CCDC30: variants seen among roughly 807,000 people sequenced by gnomAD.
CCDC30 encodes coiled-coil domain-containing protein 30.
CCDC30 carries 70 observed loss-of-function variants against 100.2 expected under a neutral mutation model. The observed-to-expected ratio is 0.70, with a 90% CI of 0.58 to 0.85. CCDC30 has a LOEUF of 0.85. Among genes scored for constraint, CCDC30 ranks in the 40% least tolerant of loss-of-function variants. CCDC30 has a pLI of 0.00. For missense variants in CCDC30, 652 were observed against 771.2 expected (o/e 0.85, Z 1.83); for synonymous variants, 233 against 269.5 (o/e 0.86, Z 1.33).
chr1:42,555,279 A>ATGTTCTCATC (rs1263445460), intron 6 of CCDC30, among the ~76,000 whole-genome samples: 2 of 152,072 alleles, frequency 1.3e-5, no homozygotes, highest in Non-Finnish European at 2.9e-5. Flanking sequence ...TTGCTTGTTC[A>ATGTTCTCATC]TGTTCTCATC....
chr1:42,549,319 G>A (rs577985497), intron 6 of CCDC30, among the ~76,000 whole-genome samples: 1 of 152,244 alleles, frequency 6.6e-6, no homozygotes, highest in East Asian at 1.9e-4. Context: ...CACAAATGAG[G>A]TCTCTGAGAC....
At chr1:42,575,233 T>C (rs1160061773) in intron 7 of CCDC30, among the ~76,000 whole-genome samples, 2 of 152,214 alleles carry the variant, frequency 1.3e-5, no homozygotes, top group Non-Finnish European at 2.9e-5. Context: ...CCCTGCCCAG[T>C]GTATACATTC....
At chr1:42,460,584 C>T (rs191483127), upstream of CCDC30, among the ~76,000 whole-genome samples, 1 of 152,332 alleles carries the variant, frequency 6.6e-6, no homozygotes, top group African/African-American at 2.4e-5. Context: ...TTTAGGACTG[C>T]TTTTCAGTTT....
At chr1:42,510,529 C>CACCT (rs1644461280) in intron 6 of CCDC30, among the ~76,000 whole-genome samples, 1 of 151,984 alleles carries the variant, frequency 6.6e-6, no homozygotes, top group African/African-American at 2.4e-5. Context: ...TGGTGGCACA[C>CACCT]GCCTGTGGTC....
chr1:42,629,363 T>C (rs1327177668), intron 11 of CCDC30, among the ~76,000 whole-genome samples: 1 of 152,264 alleles, frequency 6.6e-6, no homozygotes, highest in Admixed American at 6.5e-5. Context: ...TCTCGTGGCC[T>C]GTAAGGTTTC....
At chr1:42,546,381 G>A (rs1645133249) in intron 6 of CCDC30, among the ~76,000 whole-genome samples, 1 of 33,058 alleles carries the variant, frequency 3.0e-5, no homozygotes, top group Non-Finnish European at 6.5e-5. Context: ...GTGAAATTCT[G>A]TCTCAAAAAA....
chr1:42,574,593 T>C (rs1557866107), intron 7 of CCDC30, among the ~76,000 whole-genome samples: 2 of 152,212 alleles, frequency 1.3e-5, no homozygotes, highest in Non-Finnish European at 2.9e-5. Flanking sequence ...AGCTTGTTGA[T>C]CCACTCTAAT....
At chr1:42,498,956 T>G (rs1423599165) in intron 6 of CCDC30, 40 bp downstream of exon 6, 24 of 1,093,790 alleles carry the variant, frequency 2.2e-5, no homozygotes, top group Non-Finnish European at 2.8e-5. Flanking sequence ...GATCTCTAAT[T>G]TTTGAGTTGC....
chr1:42,605,938 T>C (rs1247295958), intron 10 of CCDC30, among the ~76,000 whole-genome samples: 1 of 152,194 alleles, frequency 6.6e-6, no homozygotes, highest in Non-Finnish European at 1.5e-5. Flanking sequence ...GCAGATTCTT[T>C]TGGAAAATTT....
intron 4 of CCDC30, chr1:42,492,613 A>G (rs1035892322): frequency 6.5e-6 from 1 of 152,698 alleles, no homozygotes; most frequent in Non-Finnish European, 1.5e-5. Context: ...AAAAATTGGT[A>G]ACAGAAGTAG....
chr1:42,486,742 T>C (rs1396930968), intron 3 of CCDC30, among the ~76,000 whole-genome samples: 1 of 152,196 alleles, frequency 6.6e-6, no homozygotes, highest in Non-Finnish European at 1.5e-5. Context: ...TGAACATATG[T>C]TGAGACTTGT....
At chr1:42,656,772 A>G (rs1403977240), downstream of CCDC30, among the ~76,000 whole-genome samples, 1 of 152,212 alleles carries the variant, frequency 6.6e-6, no homozygotes, top group Non-Finnish European at 1.5e-5. Flanking sequence ...TCTCTATCCC[A>G]TAGGGTTGTG....
In CCDC30 at chr1:42,511,244, G is replaced by A. The variant is rs187064666; in HGVS notation, c.456+12328G>A. Among the ~76,000 whole-genome samples, 21 of 152,132 alleles carry A rather than the reference G, an allele frequency of 1.4e-4. 1 individual carries two copies. The highest frequency in any genetic ancestry group is 6.5e-4 in the Admixed American group (10 of 15,268). On this transcript the variant is annotated intron_variant, in intron 6 of 16. Transcript: ENST00000668663. Reference sequence around the variant, plus strand: ...GAACTAAGCAACTGGGATTAGTCACGATTACCCATGTGACTCTAGTCCTCC... The same window carrying A: ...GAACTAAGCAACTGGGATTAGTCACAATTACCCATGTGACTCTAGTCCTCC...
chr1:42,553,095 C>T (rs983417613), intron 6 of CCDC30, among the ~76,000 whole-genome samples: 3 of 152,106 alleles, frequency 2.0e-5, no homozygotes, highest in Non-Finnish European at 1.5e-5. Flanking sequence ...TTTTCTGTGA[C>T]GTTCAGCTGG....
At chr1:42,498,239 CA>C (rs1246353019) in intron 5 of CCDC30, among the ~76,000 whole-genome samples, 11 of 152,056 alleles carry the variant, frequency 7.2e-5, no homozygotes, top group African/African-American at 2.7e-4. Context: ...GTCATAGAGA[CA>C]GAAAGTATTA....
chr1:42,554,129 G>A (rs906113064), intron 6 of CCDC30, among the ~76,000 whole-genome samples: 2 of 151,774 alleles, frequency 1.3e-5, no homozygotes, highest in Non-Finnish European at 2.9e-5. Flanking sequence ...TTAAGTTGAA[G>A]CATCTTTAAT....
At position 42,608,843 on chromosome 1, in the gene CCDC30, A is replaced by G. The variant is rs1269342518; in HGVS notation, c.1165-2135A>G. On this transcript the variant is annotated intron_variant, in intron 10 of 16. Transcript: ENST00000668663. ...AGATTAGCACTTTCAAACCAGTGCC[A>G]CATGATGAGGAAGAAAACAGAAAAA... 2.6e-5 allele frequency among the ~76,000 whole-genome samples: 4 copies of G among 152,134 alleles called. No homozygotes were observed. In the East Asian group the frequency reaches 7.7e-4, roughly 29 times the overall value.
At chr1:42,630,382 TTTTTTTC>T (rs1401488405) in intron 11 of CCDC30, among the ~76,000 whole-genome samples, 1 of 150,784 alleles carries the variant, frequency 6.6e-6, no homozygotes, top group African/African-American at 2.5e-5. Context: ...TTTCTTTTTC[TTTTTTTC>T]TTTTTTTTTT....
At chr1:42,568,462 C>A (rs754681500) in intron 7 of CCDC30, among the ~76,000 whole-genome samples, 5 of 152,128 alleles carry the variant, frequency 3.3e-5, no homozygotes, top group Non-Finnish European at 7.4e-5. Context: ...AAAGGGTCAG[C>A]ACTTTATGGA....
Sources: allele counts gnomAD v4.1 joint callset (sites outside exome capture counted in the v4.1 genomes callset), GRCh38; gene constraint gnomAD v4.1.1; transcripts MANE v1.5; gene names NCBI Gene and HGNC (gene_info 2026-07-23, HGNC 2026-07-21).